Variants in WDR44 observed in about 807,000 individuals in gnomAD.
WDR44 encodes the protein WD repeat domain 44.
A neutral mutation model predicts 65.7 loss-of-function variants in WDR44; 9 were observed. That is an observed-to-expected ratio of 0.14 (90% CI 0.08 to 0.24). The LOEUF (loss-of-function observed/expected upper bound fraction) is 0.24, where lower values mean the gene tolerates loss of function less well. Among genes scored for constraint, WDR44 ranks in the 10% least tolerant of loss-of-function variants. The pLI is 1.00. For synonymous variants in WDR44, 220 were observed against 235.2 expected (o/e 0.94, Z 0.59); for missense variants, 425 against 670.9 (o/e 0.63, Z 4.05).
At chrX:118,384,432 G>T (rs1370218365) in intron 2 of WDR44, among the ~76,000 whole-genome samples, 1 of 111,773 alleles carries the variant, frequency 8.9e-6, no homozygotes, top group African/African-American at 3.3e-5. Flanking sequence ...TATTGAGTAG[G>T]GAAGCCTTTC....
At chrX:118,418,837 T>A (rs1354618691) in intron 12 of WDR44, among the ~76,000 whole-genome samples, 1 of 110,372 alleles carries the variant, frequency 9.1e-6, no homozygotes, top group African/African-American at 3.3e-5. Context: ...GAGCTCAGAA[T>A]CTCCTTGGTT....
chrX:118,356,846 C>CT (rs774889869), intron 1 of WDR44, among the ~76,000 whole-genome samples: 11,197 of 90,014 alleles, frequency 0.12, 791 homozygotes, highest in Admixed American at 0.23. Flanking sequence ...ATATTTCTTT[C>CT]TTTTTTTTTT....
intron 12 of WDR44, among the ~76,000 whole-genome samples, chrX:118,430,251 T>C (rs1754885118): frequency 9.1e-6 from 1 of 109,742 alleles, no homozygotes; most frequent in African/African-American, 3.3e-5. Context: ...TTTTATAACT[T>C]AAAAAATTTA....
intron 1 of WDR44, among the ~76,000 whole-genome samples, chrX:118,358,852 C>T (rs1480332713): frequency 1.8e-5 from 2 of 111,771 alleles, no homozygotes; most frequent in African/African-American, 3.3e-5. Context: ...GCAGGTGGAT[C>T]GCTTGAGGTC....
At chrX:118,350,536 G>A (rs1270301871) in intron 1 of WDR44, among the ~76,000 whole-genome samples, 1 of 111,469 alleles carries the variant, frequency 9.0e-6, no homozygotes, top group South Asian at 3.8e-4. Context: ...GTATTGATAA[G>A]CTTTTGTTCT....
At chrX:118,417,188 A>T (rs936690187) in intron 12 of WDR44, among the ~76,000 whole-genome samples, 1 of 111,854 alleles carries the variant, frequency 8.9e-6, no homozygotes, top group African/African-American at 3.2e-5. Flanking sequence ...TAGTATTGAG[A>T]TGTGAGATAC....
intron 2 of WDR44, 137 bp from the exon 3 acceptor site, chrX:118,387,203 A>AC: frequency 7.1e-6 from 2 of 280,334 alleles, no homozygotes; most frequent in African/African-American, 3.1e-5. Flanking sequence ...AAAAAAAAAA[A>AC]GAAGAAGAAG....
At chrX:118,403,243 C>T (rs2056935418) in intron 8 of WDR44, among the ~76,000 whole-genome samples, 1 of 111,701 alleles carries the variant, frequency 9.0e-6, no homozygotes, top group Non-Finnish European at 1.9e-5. Context: ...CATGTAAAGT[C>T]AAACTTGGGA....
At chrX:118,439,859 C>T (rs1455230156) in intron 14 of WDR44, among the ~76,000 whole-genome samples, 2 of 107,904 alleles carry the variant, frequency 1.9e-5, no homozygotes, top group Admixed American at 2.0e-4. Context: ...GTGGCTCACT[C>T]CTATAATCCC....
intron 2 of WDR44, among the ~76,000 whole-genome samples, chrX:118,380,804 G>A (rs769152333): frequency 8.0e-5 from 9 of 112,215 alleles, no homozygotes; most frequent in African/African-American, 2.9e-4. Context: ...TAGAATTGGC[G>A]TGAGAGCACT....
chrX:118,373,687 C>T (rs902116858), intron 1 of WDR44, among the ~76,000 whole-genome samples: 1 of 111,201 alleles, frequency 9.0e-6, no homozygotes, highest in Non-Finnish European at 1.9e-5. Flanking sequence ...GGCAGTATTG[C>T]GAAGTGGTTG....
intron 1 of WDR44, among the ~76,000 whole-genome samples, chrX:118,376,723 G>T (rs1268444963): frequency 9.0e-6 from 1 of 111,662 alleles, no homozygotes; most frequent in Non-Finnish European, 1.9e-5. Context: ...TTACATCCAG[G>T]CTGGGTGCGG....
At chrX:118,404,791 C>T (rs2056948389) in intron 9 of WDR44, among the ~76,000 whole-genome samples, 1 of 111,299 alleles carries the variant, frequency 9.0e-6, no homozygotes, top group Non-Finnish European at 1.9e-5. Flanking sequence ...AGCTCCACCT[C>T]CCAGGTTCAC....
At chrX:118,446,837 C>T (rs1043582523) in intron 19 of WDR44, among the ~76,000 whole-genome samples, 3 of 110,232 alleles carry the variant, frequency 2.7e-5, no homozygotes, top group African/African-American at 9.9e-5. Context: ...TAACTTAAGT[C>T]ATTTACGTTT....
chrX:118,351,867 G>A (rs1198054123), intron 1 of WDR44, among the ~76,000 whole-genome samples: 2 of 110,533 alleles, frequency 1.8e-5, no homozygotes, highest in Admixed American at 9.7e-5. Flanking sequence ...GCTTGAACCC[G>A]GGAGGCGGAG....
intron 14 of WDR44, among the ~76,000 whole-genome samples, chrX:118,441,051 C>T (rs1419935334): frequency 2.0e-5 from 2 of 101,304 alleles, no homozygotes; most frequent in Non-Finnish European, 3.9e-5. Flanking sequence ...CCTCCACCTC[C>T]TGGGTTCAAG....
At chrX:118,429,092 T>G in intron 12 of WDR44, among the ~76,000 whole-genome samples, 1 of 110,823 alleles carries the variant, frequency 9.0e-6, no homozygotes, top group South Asian at 3.9e-4. Flanking sequence ...CAATAGCCAA[T>G]GCATGTGGGG....
chrX:118,388,137 A>G (rs373630571), intron 3 of WDR44, among the ~76,000 whole-genome samples: 1 of 111,589 alleles, frequency 9.0e-6, no homozygotes, highest in Admixed American at 9.6e-5. Context: ...CCCAGCTTCT[A>G]CTTACTAAAT....
rs2056350075 is a variant in WDR44, at chrX:118,346,440, G to A, written c.-64G>A. On this transcript the variant is annotated 5_prime_UTR_variant, in exon 1 of 20. Transcript: ENST00000254029. ...TCGCCCGGGTGGAGGTCGACGAGGA[G>A]GAGACAAGAGTCACCCTTCCTCCAG... 1 of 1,028,699 alleles carries A rather than the reference G, an allele frequency of 9.7e-7. No individual in the cohort carries two copies. The highest frequency in any genetic ancestry group is 1.9e-5 in the South Asian group (1 of 52,580). The allele number at this position is 1,028,699 out of a possible 1,213,427, so 84.8% of individuals were successfully genotyped here. A position where few individuals can be genotyped will look rare whatever the true frequency, so the allele number is the denominator to read the frequency against.
Sources: gnomAD v4.1 joint callset for allele counts (sites outside exome capture counted in the v4.1 genomes callset) on GRCh38, gnomAD v4.1.1 for gene constraint, MANE v1.5 for transcripts, NCBI Gene and HGNC (gene_info 2026-07-23, HGNC 2026-07-21) for gene names.